LPIN1: variants seen among roughly 807,000 people sequenced by gnomAD.
LPIN1 encodes the protein lipin 1, also known as phosphatidate phosphatase LPIN1.
In LPIN1, 71 loss-of-function variants were observed where a neutral mutation model predicts 107.5. That is an observed-to-expected ratio of 0.66 (90% CI 0.55 to 0.80). The LOEUF (loss-of-function observed/expected upper bound fraction) is 0.80. Among genes scored for constraint, LPIN1 ranks in the 30% least tolerant of loss-of-function variants. The pLI is 0.00. For missense variants in LPIN1, 1,043 were observed against 1,160.6 expected, an observed-to-expected ratio of 0.90 and a Z score of 1.47; for synonymous variants, 445 against 452.6, an observed-to-expected ratio of 0.98 and a Z score of 0.21.
At chr2:11,762,368 T>C (rs942043451) in intron 1 of LPIN1, among the ~76,000 whole-genome samples, 1 of 149,662 alleles carries the variant, frequency 6.7e-6, no homozygotes, top group African/African-American at 2.5e-5. Flanking sequence ...AAGGCGAGAT[T>C]GATTAACTCA....
intron 17 of LPIN1, among the ~76,000 whole-genome samples, chr2:11,810,717 C>T (rs535218435): frequency 7.2e-5 from 11 of 152,112 alleles, no homozygotes; most frequent in African/African-American, 2.2e-4. Flanking sequence ...TGGGTGGACC[C>T]GGGATGGTGC....
rs199602098 is a variant in LPIN1, at chr2:11,824,690, T to C, written c.2680T>C (p.Ser894Pro). The C allele has an allele frequency of 6.2e-6, 10 of 1,613,998 alleles. No individual in the cohort carries two copies. Among genetic ancestry groups the C allele is most frequent in the African/African-American group, 1.3e-5 (1 of 74,892 alleles). The change falls in exon 21 of 21, where the codon TCT becomes CCT. Residue 894 changes from serine (S) to proline (P), a missense_variant. Coordinates refer to ENST00000674199, the MANE Select transcript of LPIN1 (RefSeq NM_001349206.2). ...TTTCCCGTTGCTGAAAAGAAGCCAT[T>C]CTTCAGACTTTCCCTGTTCGGATAC... ...HVFPLLKRSHSSDFPCSDTFS... is the reference protein window; with the variant it reads ...HVFPLLKRSHPSDFPCSDTFS...
At chr2:11,737,538 G>T (rs1218709965) in intron 1 of LPIN1, among the ~76,000 whole-genome samples, 1 of 151,992 alleles carries the variant, frequency 6.6e-6, no homozygotes, top group Non-Finnish European at 1.5e-5. Flanking sequence ...AAATTTACAA[G>T]AAAAAAACCA....
intron 1 of LPIN1, among the ~76,000 whole-genome samples, chr2:11,755,117 C>T (rs1668464108): frequency 6.6e-6 from 1 of 152,074 alleles, no homozygotes; most frequent in Non-Finnish European, 1.5e-5. Flanking sequence ...AGGCGCCCGC[C>T]ACCATGCCCG....
chr2:11,708,635 A>T (rs1663249900), intron 1 of LPIN1, among the ~76,000 whole-genome samples: 1 of 152,006 alleles, frequency 6.6e-6, no homozygotes. Context: ...GGCACAGGAG[A>T]TGGAGACCAG....
chr2:11,700,189 A>G (rs923553528), intron 1 of LPIN1, among the ~76,000 whole-genome samples: 9 of 151,980 alleles, frequency 5.9e-5, no homozygotes, highest in African/African-American at 2.2e-4. Flanking sequence ...GCCTGTGTCC[A>G]TTGTTCATAG....
chr2:11,779,419 G>A (rs1011663028), intron 6 of LPIN1, 100 bp from the exon 7 acceptor site: 6 of 1,251,472 alleles, frequency 4.8e-6, no homozygotes, highest in African/African-American at 3.0e-5. Context: ...ACGACAGCTG[G>A]GGGTGCATTT....
chr2:11,798,467 C>A (rs1476551989), intron 14 of LPIN1, among the ~76,000 whole-genome samples: 2 of 152,214 alleles, frequency 1.3e-5, no homozygotes, highest in East Asian at 3.9e-4. Flanking sequence ...ACTTCTGCAG[C>A]TCTTCCCACG....
At chr2:11,715,287 A>G (rs1663659925) in intron 2 of LPIN1, among the ~76,000 whole-genome samples, 1 of 152,204 alleles carries the variant, frequency 6.6e-6, no homozygotes, top group Admixed American at 6.5e-5. Context: ...CACGTGCAGG[A>G]CACACGAGAG....
At chr2:11,683,430 A>C (rs1339925856) in intron 1 of LPIN1, 1 of 152,398 alleles carries the variant, frequency 6.6e-6, no homozygotes. Flanking sequence ...ACTTGAAATG[A>C]TGACTCCAGA....
intron 1 of LPIN1, among the ~76,000 whole-genome samples, chr2:11,759,880 G>A (rs1172893382): frequency 2.1e-4 from 7 of 33,210 alleles, no homozygotes; most frequent in Non-Finnish European, 4.9e-4. Flanking sequence ...CCTCCCTCCC[G>A]GACGGGGTGG....
At chr2:11,690,795 C>T (rs1198281577) in intron 1 of LPIN1, among the ~76,000 whole-genome samples, 1 of 151,988 alleles carries the variant, frequency 6.6e-6, no homozygotes, top group Non-Finnish European at 1.5e-5. Context: ...TCCAGTATTT[C>T]TAATAGATTC....
At chr2:11,715,237 G>A (rs1663656369) in intron 2 of LPIN1, among the ~76,000 whole-genome samples, 1 of 152,206 alleles carries the variant, frequency 6.6e-6, no homozygotes, top group Non-Finnish European at 1.5e-5. Flanking sequence ...TGTGGGGCAG[G>A]AGCCCATGGC....
At position 11,707,889 on chromosome 2, in the gene LPIN1, G is replaced by A. The variant is rs763112536; in HGVS notation, c.82-5867G>A. ...TTTCAATGATGAGTGAGTGGTCTCC[G>A]CTAATTATGACTGGGTAGGCCCCTT... On this transcript the variant is annotated intron_variant, in intron 1 of 21. Transcript: ENST00000449576. This position sits in a 1 kb window ranked among gnomAD's most constrained non-coding sequence, Gnocchi z 4.2. Among the ~76,000 whole-genome samples the A allele has an allele frequency of 1.8e-4, 27 of 152,262 alleles. No homozygotes were observed. Among genetic ancestry groups the A allele is most frequent in the African/African-American group, 3.1e-4 (13 of 41,556 alleles).
intron 1 of LPIN1, among the ~76,000 whole-genome samples, chr2:11,735,207 G>T (rs1461136121): frequency 6.6e-6 from 1 of 151,710 alleles, no homozygotes; most frequent in African/African-American, 2.4e-5. Flanking sequence ...CAGGAGAATT[G>T]CTTGAGCCTG....
intron 10 of LPIN1, 112 bp downstream of exon 10, chr2:11,785,188 AATGATAGCACAG>A: frequency 1.3e-6 from 1 of 782,420 alleles, no homozygotes; most frequent in Non-Finnish European, 2.0e-6. Context: ...GGTTGCGGTT[AATGATAGCACAG>A]ATGATAGCAC....
chr2:11,810,128 G>C (rs779101010), intron 17 of LPIN1, among the ~76,000 whole-genome samples: 2 of 152,184 alleles, frequency 1.3e-5, no homozygotes, highest in African/African-American at 2.4e-5. Flanking sequence ...TGCCGTCGGG[G>C]GTGCTGAGCA....
chr2:11,793,400 C>T (rs1462140713), intron 13 of LPIN1, among the ~76,000 whole-genome samples: 1 of 152,246 alleles, frequency 6.6e-6, no homozygotes, highest in African/African-American at 2.4e-5. Flanking sequence ...CTCTGTACTG[C>T]AGATGCATTG....
rs1439484714 is a variant in LPIN1, at chr2:11,802,891, T to A, written c.1887-16T>A. Reference sequence around the variant, plus strand: ...ATGCATTTTCTAATTGGTGATGACATCACTGTGTGTTCCAGGGTAAAGCAT... The same window carrying A: ...ATGCATTTTCTAATTGGTGATGACAACACTGTGTGTTCCAGGGTAAAGCAT... On this transcript the variant is annotated splice_polypyrimidine_tract_variant and intron_variant, in intron 14 of 20. Coordinates refer to ENST00000674199, the MANE Select transcript of LPIN1 (RefSeq NM_001349206.2). 1.7e-5 allele frequency: 27 copies of A among 1,612,454 alleles called. No homozygotes were observed. The highest frequency in any genetic ancestry group is 2.1e-5 in the Non-Finnish European group (25 of 1,179,954).
Sources: gnomAD v4.1 joint callset for allele counts (sites outside exome capture counted in the v4.1 genomes callset) on GRCh38, gnomAD v4.1.1 for gene constraint, Gnocchi (gnomAD v3.1) non-coding constraint, MANE v1.5 for transcripts, NCBI Gene and HGNC (gene_info 2026-07-23, HGNC 2026-07-21) for gene names.